Variants in FGGY observed in about 807,000 individuals in gnomAD.
The protein encoded by FGGY is FGGY carbohydrate kinase domain-containing protein.
A neutral mutation model predicts 71.3 loss-of-function variants in FGGY; 72 were observed. That is an observed-to-expected ratio of 1.01 (90% confidence interval 0.84 to 1.23). FGGY has a LOEUF of 1.23. Ranked by LOEUF, FGGY falls within the 50% of genes most tolerant of loss-of-function variation. The pLI, the probability that FGGY is intolerant of heterozygous loss-of-function variation, is 0.00. For missense variants in FGGY, 668 were observed against 682.3 expected (o/e 0.98, Z 0.23); for synonymous variants, 251 against 250.3 (o/e 1.00, Z -0.02).
chr1:59,616,544 A>G (rs542787931), intron 9 of FGGY, among the ~76,000 whole-genome samples: 1 of 152,282 alleles, frequency 6.6e-6, no homozygotes, highest in East Asian at 1.9e-4. Context: ...TGACGAGTTA[A>G]TGGGTGCCGC....
intron 14 of FGGY, among the ~76,000 whole-genome samples, chr1:59,680,124 A>G: frequency 6.6e-6 from 1 of 151,990 alleles, no homozygotes; most frequent in Non-Finnish European, 1.5e-5. Flanking sequence ...TTTTAGTTCT[A>G]TTTAGCTTTC....
At chr1:59,746,520 CTG>C (rs2098199363) in intron 14 of FGGY, among the ~76,000 whole-genome samples, 1 of 152,152 alleles carries the variant, frequency 6.6e-6, no homozygotes, top group Admixed American at 6.5e-5. Context: ...CAGCATCTTA[CTG>C]TGTCGCCCAG....
At chr1:59,577,290 G>A (rs1220669807) in intron 8 of FGGY, among the ~76,000 whole-genome samples, 1 of 152,124 alleles carries the variant, frequency 6.6e-6, no homozygotes, top group Non-Finnish European at 1.5e-5. Context: ...GATTTAATCA[G>A]GACAAAAATA....
At chr1:59,394,773 T>C (rs835426) in intron 5 of FGGY, among the ~76,000 whole-genome samples, 48,452 of 151,884 alleles carry the variant, frequency 0.32, 8,486 homozygotes, top group African/African-American at 0.47. Context: ...TCTTCAACCC[T>C]TATCCAGACA....
intron 10 of FGGY, among the ~76,000 whole-genome samples, chr1:59,637,267 A>G (rs2153887184): frequency 6.6e-6 from 1 of 152,184 alleles, no homozygotes; most frequent in Admixed American, 6.5e-5. Context: ...CCTCCTCTTC[A>G]CCTGAACATG....
intron 14 of FGGY, among the ~76,000 whole-genome samples, chr1:59,739,772 A>G (rs2098133070): frequency 6.6e-6 from 1 of 152,078 alleles, no homozygotes; most frequent in Non-Finnish European, 1.5e-5. Context: ...TTCTTTAGCA[A>G]AGCTTAATCC....
intron 1 of FGGY, among the ~76,000 whole-genome samples, chr1:59,300,687 G>GA (rs148006994): frequency 6.7e-6 from 1 of 149,810 alleles, no homozygotes; most frequent in Non-Finnish European, 1.5e-5. Flanking sequence ...ATGGAATCAA[G>GA]TTTTTTTTTT....
intron 10 of FGGY, among the ~76,000 whole-genome samples, chr1:59,636,070 A>G (rs1019733003): frequency 6.6e-6 from 1 of 152,188 alleles, no homozygotes; most frequent in Non-Finnish European, 1.5e-5. Context: ...TCCCAGTAAT[A>G]TCTTATTCCT....
intron 10 of FGGY, among the ~76,000 whole-genome samples, chr1:59,636,486 G>A (rs2153885213): frequency 6.6e-6 from 1 of 152,286 alleles, no homozygotes; most frequent in East Asian, 1.9e-4. Flanking sequence ...AGCCAGGCGT[G>A]GTGGCGGACG....
chr1:59,438,063 G>C (rs905073847), intron 5 of FGGY, among the ~76,000 whole-genome samples: 12 of 152,192 alleles, frequency 7.9e-5, no homozygotes, highest in African/African-American at 1.7e-4. Flanking sequence ...ACTGATAGTA[G>C]CTATTGTTTA....
chr1:59,548,108 G>A (rs1040996719), intron 7 of FGGY, among the ~76,000 whole-genome samples: 1 of 152,132 alleles, frequency 6.6e-6, no homozygotes, highest in Non-Finnish European at 1.5e-5. Context: ...CGGTTCTGCT[G>A]GTCTGGGGTG....
intron 8 of FGGY, among the ~76,000 whole-genome samples, chr1:59,606,147 A>T (rs2096621375): frequency 6.6e-6 from 1 of 152,048 alleles, no homozygotes; most frequent in Non-Finnish European, 1.5e-5. Flanking sequence ...AAATAATAAT[A>T]ATAATAAAAT....
At chr1:59,404,156 G>A (rs1277676244) in intron 5 of FGGY, among the ~76,000 whole-genome samples, 1 of 151,936 alleles carries the variant, frequency 6.6e-6, no homozygotes, top group East Asian at 1.9e-4. Context: ...TTACTTTCCA[G>A]GTAAAAAAAT....
In FGGY at chr1:59,321,627, G is replaced by A. The variant is rs1312268538; in HGVS notation, c.78G>A (p.Leu26=). 1 of 1,613,732 alleles carries A rather than the reference G, an allele frequency of 6.2e-7. No individual in the cohort carries two copies. Among genetic ancestry groups the A allele is most frequent in the Non-Finnish European group, 8.5e-7 (1 of 1,179,824 alleles). ...DVGTGSVRAA[L]VDQSGVLLAF... The stretch of plus-strand genomic sequence containing the variant: ...GAACAGGCAGTGTCCGTGCAGCTCT[G>A]GTGGACCAGAGTGGGGTCCTGTTGG... The change falls in exon 2 of 16, where the codon CTG becomes CTA. Residue 26 remains leucine, a synonymous_variant. Coordinates refer to ENST00000303721, the MANE Select transcript of FGGY (RefSeq NM_018291.5).
At chr1:59,750,180 T>C (rs2098233454) in intron 14 of FGGY, among the ~76,000 whole-genome samples, 1 of 152,162 alleles carries the variant, frequency 6.6e-6, no homozygotes, top group South Asian at 2.1e-4. Flanking sequence ...CCCAGTATCT[T>C]TCTGCTAATG....
intron 5 of FGGY, among the ~76,000 whole-genome samples, chr1:59,432,280 T>A (rs770255906): frequency 4.6e-5 from 7 of 152,134 alleles, no homozygotes; most frequent in African/African-American, 1.7e-4. Context: ...AATAAGCCAG[T>A]AAATTTAAGT....
At chr1:59,583,767 C>T (rs1307921887) in intron 8 of FGGY, among the ~76,000 whole-genome samples, 2 of 142,018 alleles carry the variant, frequency 1.4e-5, no homozygotes, top group Non-Finnish European at 3.0e-5. Flanking sequence ...GCCAGGAGAG[C>T]CAGTGGAGCA....
chr1:59,317,280 G>A (rs2045615968), intron 1 of FGGY, among the ~76,000 whole-genome samples: 1 of 152,148 alleles, frequency 6.6e-6, no homozygotes, highest in African/African-American at 2.4e-5. Context: ...CCCTAAACTT[G>A]CCGCAAGAGA....
At chr1:59,588,629 A>T (rs2096362082) in intron 8 of FGGY, among the ~76,000 whole-genome samples, 1 of 152,094 alleles carries the variant, frequency 6.6e-6, no homozygotes, top group African/African-American at 2.4e-5. Flanking sequence ...AGTGGGGGCC[A>T]ATATTTAACA....
Sources: allele counts gnomAD v4.1 joint callset (sites outside exome capture counted in the v4.1 genomes callset), GRCh38; gene constraint gnomAD v4.1.1; transcripts MANE v1.5; gene names NCBI Gene and HGNC (gene_info 2026-07-23, HGNC 2026-07-21).